Variants in MMP26 observed in about 807,000 individuals in gnomAD.
MMP26 encodes matrix metalloproteinase-26.
A neutral mutation model predicts 31.0 loss-of-function variants in MMP26; 33 were observed. That is an observed-to-expected ratio of 1.06 (90% CI 0.81 to 1.42). The LOEUF (loss-of-function observed/expected upper bound fraction) is 1.42, where lower values mean the gene tolerates loss of function less well. Ranked by LOEUF, MMP26 falls within the 40% of genes most tolerant of loss-of-function variation. The pLI is 0.00. For synonymous variants in MMP26, 122 were observed against 114.9 expected, an observed-to-expected ratio of 1.06 and a Z score of -0.40; for missense variants, 347 against 316.1, an observed-to-expected ratio of 1.10 and a Z score of -0.74.
At chr11:4,870,284 A>G (rs1263414937) in intron 2 of MMP26, among the ~76,000 whole-genome samples, 1 of 152,118 alleles carries the variant, frequency 6.6e-6, no homozygotes, top group Non-Finnish European at 1.5e-5. Flanking sequence ...AAGACTGCTT[A>G]TGTAAATAAT....
At chr11:4,718,815 G>C (rs1847971276) in intron 1 of MMP26, 1 of 159,176 alleles carries the variant, frequency 6.3e-6, no homozygotes, top group South Asian at 1.9e-4. Flanking sequence ...TCTCCATGCT[G>C]TCCACCACTG....
intron 2 of MMP26, among the ~76,000 whole-genome samples, chr11:4,980,457 G>T (rs61661806): frequency 0.032 from 4,897 of 151,748 alleles, 284 homozygotes; most frequent in African/African-American, 0.11. Flanking sequence ...TTGAACACTT[G>T]ACTGCAAGCA....
intron 2 of MMP26, among the ~76,000 whole-genome samples, chr11:4,870,141 C>A (rs903215364): frequency 1.3e-5 from 2 of 152,002 alleles, no homozygotes; most frequent in Non-Finnish European, 2.9e-5. Flanking sequence ...TTAATGGGTG[C>A]AGCACACTGA....
chr11:4,966,808 C>A (rs984273633), intron 2 of MMP26, among the ~76,000 whole-genome samples: 1 of 152,144 alleles, frequency 6.6e-6, no homozygotes, highest in Non-Finnish European at 1.5e-5. Flanking sequence ...CTGGATGGTG[C>A]AAGCTGTCAG....
Position 4,844,269 on chromosome 11 carries a change from C to T in MMP26, c.-145+76928C>T, listed in dbSNP as rs1288219353. Among the ~76,000 whole-genome samples, 3 of 152,116 alleles carry T rather than the reference C, an allele frequency of 2.0e-5. No homozygotes were observed. The East Asian group carries it at 5.8e-4, about 29-fold the overall frequency. ...AAATAACAAGTAACAAGATCAAAGC[C>T]ACAATGAAAAGCCTTCCCATAAAGA... is the stretch of plus-strand genomic sequence containing the variant. On this transcript the variant is annotated intron_variant, in intron 2 of 7. Coordinates refer to ENST00000380390, the MANE Select transcript of MMP26 (RefSeq NM_021801.5).
rs1000150058 is a variant in MMP26 at position 4,988,081 on chromosome 11, C to T, written c.-131C>T. 10 of 777,950 alleles carry T rather than the reference C, an allele frequency of 1.3e-5. No individual in the cohort carries two copies. The highest frequency in any genetic ancestry group is 2.5e-5 in the East Asian group (1 of 40,276). 48.2% of individuals were successfully genotyped at this position (777,950 alleles called of 1,614,324 possible). ...TGCCCTCAGCAGGTATGGATGATGA[C>T]GCCACTCACAGATTCAAAGAAAGGG... On this transcript the variant is annotated 5_prime_UTR_variant, in exon 3 of 8. In the 5' UTR this introduces an upstream ATG that the reference lacks. Coordinates refer to ENST00000380390, the MANE Select transcript of MMP26 (RefSeq NM_021801.5).
intron 2 of MMP26, among the ~76,000 whole-genome samples, chr11:4,858,013 C>G (rs996034080): frequency 1.3e-5 from 2 of 152,064 alleles, no homozygotes; most frequent in African/African-American, 2.4e-5. Flanking sequence ...AGGCTTTCGA[C>G]AAAATTCAAC....
intron 2 of MMP26, among the ~76,000 whole-genome samples, chr11:4,800,977 T>A (rs1216020717): frequency 6.6e-6 from 1 of 152,210 alleles, no homozygotes; most frequent in Non-Finnish European, 1.5e-5. Context: ...CATTTCCATC[T>A]GAGAACTCAT....
intron 2 of MMP26, among the ~76,000 whole-genome samples, chr11:4,839,831 C>T (rs559367930): frequency 3.3e-5 from 5 of 151,820 alleles, no homozygotes; most frequent in East Asian, 2.0e-4. Flanking sequence ...TCTCTTGCAC[C>T]GTAGGTACCA....
chr11:4,857,730 C>T (rs1428664302), intron 2 of MMP26, among the ~76,000 whole-genome samples: 1 of 152,140 alleles, frequency 6.6e-6, no homozygotes, highest in Admixed American at 6.5e-5. Context: ...TTTTATGAGG[C>T]CAGCATCATC....
chr11:4,989,717 C>T lies in MMP26; in HGVS notation c.169C>T (p.Leu57Phe), dbSNP rs769336128. The T allele has an allele frequency of 9.3e-6, 15 of 1,613,944 alleles. No individual in the cohort carries two copies. The highest frequency in any genetic ancestry group is 1.6e-4 in the Middle Eastern group (1 of 6,062). Residue 57 changes from leucine (L) to phenylalanine (F), a missense_variant, in exon 4 of 8, where the codon CTC becomes TTC. Transcript: ENST00000380390. ...CCTTACCCAGGAGACACAAACACAG[C>T]TCCTGCAACAATTCCATCGGAATGG... ...PLLTQETQTQLLQQFHRNGTD... is the reference protein window; with the variant it reads ...PLLTQETQTQFLQQFHRNGTD...
chr11:4,845,770 A>C (rs1433299818), intron 2 of MMP26, among the ~76,000 whole-genome samples: 4 of 152,184 alleles, frequency 2.6e-5, no homozygotes, highest in Non-Finnish European at 5.9e-5. Context: ...TAATCTAATC[A>C]ATAATGGGCA....
intron 2 of MMP26, among the ~76,000 whole-genome samples, chr11:4,873,679 A>G (rs1344993784): frequency 1.3e-5 from 2 of 152,052 alleles, no homozygotes; most frequent in Non-Finnish European, 2.9e-5. Flanking sequence ...AAGTTTTTAG[A>G]TAATACATGG....
At chr11:4,922,098 A>C (rs1461026500) in intron 2 of MMP26, among the ~76,000 whole-genome samples, 1 of 152,194 alleles carries the variant, frequency 6.6e-6, no homozygotes, top group African/African-American at 2.4e-5. Flanking sequence ...GAGAACATGC[A>C]GTATTTGACT....
intron 2 of MMP26, chr11:4,882,410 C>T (rs1320899728): frequency 3.0e-5 from 48 of 1,613,852 alleles, no homozygotes; most frequent in Non-Finnish European, 3.6e-5. Context: ...TGTGTCTTTT[C>T]ATGGGGGTCA....
chr11:4,720,992 G>C (rs7111199), intron 1 of MMP26, among the ~76,000 whole-genome samples: 23,993 of 152,232 alleles, frequency 0.16, 2,122 homozygotes, highest in East Asian at 0.32. Context: ...AACTATTGCT[G>C]TGATGGCACT....
At chr11:4,799,381 A>T (rs1313672518) in intron 2 of MMP26, among the ~76,000 whole-genome samples, 1 of 152,064 alleles carries the variant, frequency 6.6e-6, no homozygotes, top group Non-Finnish European at 1.5e-5. Flanking sequence ...GGGGGGTCTC[A>T]GGCTCTATTA....
intron 2 of MMP26, chr11:4,943,683 C>CTGCCAGT (rs1846250544): frequency 2.8e-6 from 1 of 354,756 alleles, no homozygotes; most frequent in South Asian, 2.2e-5. Context: ...GGTAACATTG[C>CTGCCAGT]TGCCAGTTGA....
At chr11:4,937,730 G>T (rs879196369) in intron 2 of MMP26, 1 of 173,280 alleles carries the variant, frequency 5.8e-6, no homozygotes, top group Non-Finnish European at 1.3e-5. Context: ...GAACACATCA[G>T]CTTCATGACA....
Sources: gnomAD v4.1 joint callset for allele counts (sites outside exome capture counted in the v4.1 genomes callset) on GRCh38, gnomAD v4.1.1 for gene constraint, MANE v1.5 for transcripts, NCBI Gene and HGNC (gene_info 2026-07-23, HGNC 2026-07-21) for gene names.